Variants in NTRK2 observed in about 807,000 individuals in gnomAD.
NTRK2 encodes BDNF/NT-3 growth factors receptor.
Under a neutral mutation model 94.5 loss-of-function variants are expected in NTRK2, and 13 were observed. That is an observed-to-expected ratio of 0.14 (90% CI 0.09 to 0.22). The LOEUF (loss-of-function observed/expected upper bound fraction) is 0.22, where lower values mean the gene tolerates loss of function less well. Among genes scored for constraint, NTRK2 ranks in the 10% least tolerant of loss-of-function variants. The pLI is 1.00. For missense variants in NTRK2, 639 were observed against 1,071.2 expected (o/e 0.60, Z 5.63); for synonymous variants, 372 against 407.4 (o/e 0.91, Z 1.05).
chr9:84,801,035 T>G (rs1164112799), intron 12 of NTRK2, among the ~76,000 whole-genome samples: 1 of 152,246 alleles, frequency 6.6e-6, no homozygotes, highest in Non-Finnish European at 1.5e-5. Context: ...TGTGATCATT[T>G]GCAGTGGCTG....
chr9:85,009,312 G>A (rs1831310268), intron 17 of NTRK2, among the ~76,000 whole-genome samples: 1 of 152,236 alleles, frequency 6.6e-6, no homozygotes, highest in South Asian at 2.1e-4. Flanking sequence ...TAGTGCTCCA[G>A]GCACAGTCCC....
At chr9:84,980,996 G>A (rs1827524788) in intron 17 of NTRK2, among the ~76,000 whole-genome samples, 1 of 152,170 alleles carries the variant, frequency 6.6e-6, no homozygotes, top group Non-Finnish European at 1.5e-5. Flanking sequence ...ATAAACAGAT[G>A]GCAAAATCAA....
intron 12 of NTRK2, among the ~76,000 whole-genome samples, chr9:84,822,263 A>G (rs903260414): frequency 1.7e-4 from 26 of 152,154 alleles, no homozygotes; most frequent in African/African-American, 5.6e-4. Context: ...CTCCTCCCCC[A>G]CTGAAGCCTT....
chr9:84,891,194 T>A (rs2076583524), intron 14 of NTRK2, among the ~76,000 whole-genome samples: 1 of 152,162 alleles, frequency 6.6e-6, no homozygotes, highest in African/African-American at 2.4e-5. Context: ...CATGGATGCT[T>A]GTGCTTCTTC....
chr9:84,709,959 CTCTGTGTGTGTGTG>C (rs1372489864), intron 5 of NTRK2, among the ~76,000 whole-genome samples: 19 of 116,498 alleles, frequency 1.6e-4, no homozygotes, highest in South Asian at 2.7e-4. Context: ...GAATAGCTTG[CTCTGTGTGTGTGTG>C]TGTGTGTGTG....
intron 2 of NTRK2, among the ~76,000 whole-genome samples, chr9:84,689,613 T>C: frequency 6.6e-6 from 1 of 152,212 alleles, no homozygotes; most frequent in African/African-American, 2.4e-5. Context: ...AAAAAAAGAA[T>C]TGTAGTGAAA....
chr9:84,966,525 G>A (rs1480077390), intron 17 of NTRK2, among the ~76,000 whole-genome samples: 6 of 152,096 alleles, frequency 3.9e-5, no homozygotes, highest in Non-Finnish European at 5.9e-5. Context: ...TCCACCTCCC[G>A]GGTTCAAGTG....
At chr9:84,962,024 G>A (rs1326710672) in intron 17 of NTRK2, among the ~76,000 whole-genome samples, 1 of 152,150 alleles carries the variant, frequency 6.6e-6, no homozygotes, top group South Asian at 2.1e-4. Context: ...ATCAAAATAC[G>A]CTCTTGAGGC....
At chr9:84,785,886 A>G (rs2068066875) in intron 12 of NTRK2, among the ~76,000 whole-genome samples, 3 of 152,144 alleles carry the variant, frequency 2.0e-5, no homozygotes, top group Admixed American at 2.0e-4. Context: ...CAAAGGATGA[A>G]CTGAGGTTCT....
At chr9:84,964,967 A>G (rs750970110) in intron 17 of NTRK2, among the ~76,000 whole-genome samples, 5 of 152,156 alleles carry the variant, frequency 3.3e-5, no homozygotes, top group African/African-American at 7.2e-5. Context: ...TTCCTTTTTA[A>G]TTAAATAACT....
At chr9:84,695,706 T>C (rs2060335166) in intron 2 of NTRK2, among the ~76,000 whole-genome samples, 1 of 152,196 alleles carries the variant, frequency 6.6e-6, no homozygotes, top group Non-Finnish European at 1.5e-5. Context: ...TCAATGCCCT[T>C]TCTCCTTTTA....
chr9:84,849,259 C>T (rs2074630602), intron 12 of NTRK2, among the ~76,000 whole-genome samples: 1 of 152,118 alleles, frequency 6.6e-6, no homozygotes, highest in Non-Finnish European at 1.5e-5. Flanking sequence ...TTCTAAACAC[C>T]AGGCTTCATA....
intron 17 of NTRK2, among the ~76,000 whole-genome samples, chr9:84,957,959 A>G (rs1249974248): frequency 6.6e-6 from 1 of 152,244 alleles, no homozygotes; most frequent in Non-Finnish European, 1.5e-5. Flanking sequence ...TAAACCTCTA[A>G]AACAGTGTGC....
At chr9:84,763,347 T>C (rs986748669) in intron 12 of NTRK2, among the ~76,000 whole-genome samples, 3 of 152,062 alleles carry the variant, frequency 2.0e-5, no homozygotes, top group East Asian at 3.9e-4. Flanking sequence ...TAACCATTTT[T>C]CCCCTCACTG....
chr9:84,877,912 G>C, intron 14 of NTRK2: 2 of 1,019,000 alleles, frequency 2.0e-6, no homozygotes, highest in Non-Finnish European at 1.2e-6. Context: ...GGTCTCTGTT[G>C]CCTACTTTCG....
chr9:84,980,845 A>G (rs1054037353), intron 17 of NTRK2, among the ~76,000 whole-genome samples: 2 of 152,230 alleles, frequency 1.3e-5, no homozygotes, highest in African/African-American at 2.4e-5. Flanking sequence ...ATAGGAGTAA[A>G]TGCATAAACT....
chr9:84,784,309 C>T (rs1303188278), intron 12 of NTRK2, among the ~76,000 whole-genome samples: 1 of 152,198 alleles, frequency 6.6e-6, no homozygotes, highest in Non-Finnish European at 1.5e-5. Flanking sequence ...TCCATCATCT[C>T]AAATATTTAT....
intron 17 of NTRK2, among the ~76,000 whole-genome samples, chr9:85,018,833 G>A (rs1324667224): frequency 6.6e-6 from 1 of 152,164 alleles, no homozygotes; most frequent in Non-Finnish European, 1.5e-5. Context: ...ACCTGTCACT[G>A]CTGAAGGAAG....
chr9:84,760,778 A>G (rs769843638), intron 12 of NTRK2, among the ~76,000 whole-genome samples: 2 of 152,054 alleles, frequency 1.3e-5, no homozygotes, highest in Non-Finnish European at 2.9e-5. Flanking sequence ...GGGGGATGGG[A>G]CCCCCCAACA....
Sources: allele counts gnomAD v4.1 joint callset (sites outside exome capture counted in the v4.1 genomes callset), GRCh38; gene constraint gnomAD v4.1.1; transcripts MANE v1.5; gene names NCBI Gene and HGNC (gene_info 2026-07-23, HGNC 2026-07-21).